The following SLC27A1 variants were observed in gnomAD, a reference collection of about 807,000 sequenced individuals.
The protein encoded by SLC27A1 is solute carrier family 27 member 1.
SLC27A1 carries 61 observed loss-of-function variants against 62.2 expected under a neutral mutation model. The ratio of observed to expected loss-of-function variants is 0.98; its 90% CI spans 0.80 to 1.21. The LOEUF is 1.21. SLC27A1 is among the 50% of genes most tolerant of loss of function. The pLI is 0.00. For synonymous variants in SLC27A1, 435 were observed against 408.6 expected (o/e 1.06, Z -0.78); for missense variants, 903 against 932.1 (o/e 0.97, Z 0.41).
chr19:17,470,603 G>A lies in SLC27A1; in HGVS notation c.63G>A (p.Gly21=). 6.4e-7 allele frequency: 1 copy of A among 1,569,314 alleles called. No homozygotes were observed. Among genetic ancestry groups the A allele is most frequent in the Non-Finnish European group, 8.6e-7 (1 of 1,165,766 alleles). The change falls in exon 1 of 12, where the codon GGG becomes GGA. Residue 21 remains glycine, a synonymous_variant. Coordinates refer to ENST00000252595, the MANE Select transcript of SLC27A1 (RefSeq NM_198580.3). ...VVSLALLWLL[G]LPWTWSAAAA... is the part of the protein sequence containing the mutation. ...CGCTGGCGCTGTTGTGGCTGCTGGG[G>A]CTGCCGTGGACCTGGAGCGCGGCAG... is the stretch of plus-strand genomic sequence containing the variant.
At chr19:17,475,325 G>A (rs1417561059) in intron 1 of SLC27A1, among the ~76,000 whole-genome samples, 2 of 152,174 alleles carry the variant, frequency 1.3e-5, no homozygotes, top group African/African-American at 4.8e-5. Context: ...AGGATTGCCT[G>A]AGGCCAGGAG....
chr19:17,480,533 A>ATTTT (rs781084877), intron 1 of SLC27A1, among the ~76,000 whole-genome samples: 14 of 67,610 alleles, frequency 2.1e-4, no homozygotes, highest in South Asian at 1.3e-3. Flanking sequence ...TGGCCAGTTA[A>ATTTT]TTTTTTTCTT....
At chr19:17,477,239 G>GCTTTT (rs1568410565) in intron 1 of SLC27A1, among the ~76,000 whole-genome samples, 1 of 49,056 alleles carries the variant, frequency 2.0e-5, no homozygotes, top group African/African-American at 8.1e-5. Flanking sequence ...GATGAGCAGC[G>GCTTTT]CTTTTTTTTT....
chr19:17,480,569 G>GTTTTTTTTTTTTT, intron 1 of SLC27A1, among the ~76,000 whole-genome samples: 1 of 113,996 alleles, frequency 8.8e-6, no homozygotes. Context: ...GCAGAGATGA[G>GTTTTTTTTTTTTT]GTCTCAGTTT....
intron 1 of SLC27A1, among the ~76,000 whole-genome samples, chr19:17,482,982 G>T (rs1385497971): frequency 1.3e-5 from 2 of 151,296 alleles, no homozygotes; most frequent in African/African-American, 2.5e-5. Context: ...TGGAGGGAAT[G>T]AATGAATGAG....
chr19:17,504,080 G>C (rs1408988888), intron 11 of SLC27A1, among the ~76,000 whole-genome samples: 1 of 151,966 alleles, frequency 6.6e-6, no homozygotes, highest in African/African-American at 2.4e-5. Flanking sequence ...CCATTATTGT[G>C]CCCGGCCCCA....
In SLC27A1 at chr19:17,470,797, G is replaced by C. The variant is rs1427822894; in HGVS notation, c.167+90G>C. 6 of 1,273,234 alleles carry C rather than the reference G, an allele frequency of 4.7e-6. No individual in the cohort carries two copies. In the African/African-American group the frequency reaches 9.6e-5, roughly 20 times the overall value. 78.9% of individuals were successfully genotyped at this position (1,273,234 alleles called of 1,614,324 possible). The stretch of plus-strand genomic sequence containing the variant: ...CAGGGCTGGGTTGCGGGGACGGCTT[G>C]GAGGGTCCGGAGAGCTGAGGGTGCT... On this transcript the variant is annotated intron_variant, in intron 1 of 11. Coordinates refer to ENST00000252595, the MANE Select transcript of SLC27A1 (RefSeq NM_198580.3).
At chr19:17,500,182 T>A in intron 7 of SLC27A1, 96 bp from the exon 8 acceptor site, 1 of 1,527,238 alleles carries the variant, frequency 6.5e-7, no homozygotes, top group Non-Finnish European at 8.8e-7. Flanking sequence ...ACACTGGAGG[T>A]GCTAGGTCCA....
rs1227329932 is a variant in SLC27A1, at chr19:17,488,921, C to A, written c.868C>A (p.Pro290Thr). 6.2e-7 allele frequency: 1 copy of A among 1,614,032 alleles called. No homozygotes were observed. Among genetic ancestry groups the A allele is most frequent in the African/African-American group, 1.3e-5 (1 of 74,926 alleles). The change falls in exon 5 of 12, where the codon CCC becomes ACC. Residue 290 changes from proline (P) to threonine (T), a missense_variant. Pro to Thr is a conservative substitution (Grantham distance 38). Coordinates refer to ENST00000252595, the MANE Select transcript of SLC27A1 (RefSeq NM_198580.3). ...QAADVLYDCL[P>T]LYHSAGNIIG... Reference sequence around the variant, plus strand: ...GGCTGACGTGCTCTATGACTGCCTGCCCCTGTACCACTCGGCAGGTACTAC... The same window carrying A: ...GGCTGACGTGCTCTATGACTGCCTGACCCTGTACCACTCGGCAGGTACTAC...
chr19:17,471,499 C>G (rs1027336068), intron 1 of SLC27A1, among the ~76,000 whole-genome samples: 1 of 151,932 alleles, frequency 6.6e-6, no homozygotes, highest in African/African-American at 2.4e-5. Context: ...CTCTGAGGGA[C>G]TTGCTCAAAC....
intron 6 of SLC27A1, 147 bp downstream of exon 6, chr19:17,489,264 C>T (rs2075271600): frequency 3.0e-6 from 2 of 658,132 alleles, no homozygotes; most frequent in South Asian, 3.8e-5. Context: ...CCTCTCCCAG[C>T]CAGGCCCCGC....
At chr19:17,472,306 A>C (rs563756222) in intron 1 of SLC27A1, among the ~76,000 whole-genome samples, 2 of 151,454 alleles carry the variant, frequency 1.3e-5, no homozygotes, top group Non-Finnish European at 2.9e-5. Flanking sequence ...GAGGCAGGAG[A>C]ATGGTGTGAA....
rs1172708208 is a variant in SLC27A1, at chr19:17,505,929, C to T, written c.*1317C>T. Reference sequence around the variant, plus strand: ...TTGGTGGCGATGTCCCAGACAATCCCACCAGGACGGCCCAGACATCCCTAC... The same window carrying T: ...TTGGTGGCGATGTCCCAGACAATCCTACCAGGACGGCCCAGACATCCCTAC... On this transcript the variant is annotated 3_prime_UTR_variant, in exon 12 of 12. Coordinates refer to ENST00000252595, the MANE Select transcript of SLC27A1 (RefSeq NM_198580.3). 6.6e-6 allele frequency: 1 copy of T among 152,232 alleles called. No individual in the cohort carries two copies. Among genetic ancestry groups the T allele is most frequent in the Non-Finnish European group, 1.5e-5 (1 of 68,078 alleles). 9.4% of individuals were successfully genotyped at this position (152,232 alleles called of 1,614,324 possible). A position where few individuals can be genotyped will look rare whatever the true frequency, so the allele number is the denominator to read the frequency against.
intron 1 of SLC27A1, among the ~76,000 whole-genome samples, chr19:17,477,240 C>CTTTTTTTTTTT (rs1221324202): frequency 0.029 from 1,273 of 43,810 alleles, 329 homozygotes; most frequent in Non-Finnish European, 0.039. Flanking sequence ...ATGAGCAGCG[C>CTTTTTTTTTTT]TTTTTTTTTT....
chr19:17,487,705 G>A (rs1049030910), intron 4 of SLC27A1, among the ~76,000 whole-genome samples, 176 bp downstream of exon 4: 1 of 152,066 alleles, frequency 6.6e-6, no homozygotes, highest in East Asian at 1.9e-4. Context: ...AGCCCTCCAC[G>A]TGTAAACTCA....
chr19:17,498,902 CAG>C (rs1444965346), intron 7 of SLC27A1: 1 of 153,072 alleles, frequency 6.5e-6, no homozygotes, highest in Non-Finnish European at 1.5e-5. Context: ...TTCTGCATAT[CAG>C]AGACTTTTAG....
Position 17,488,896 on chromosome 19 carries a change from G to GCCTACCTAC in SLC27A1, c.843_844insCCTACCTAC (p.Ala281_Ala282insProThrTyr). 6.2e-7 allele frequency: 1 copy of GCCTACCTAC among 1,614,116 alleles called. No individual in the cohort carries two copies. ...GCCACCACGCCTACCGCATGCAGGC[G>GCCTACCTAC]GCTGACGTGCTCTATGACTGCCTGC... On this transcript the variant is annotated inframe_insertion, in exon 5 of 12. Transcript: ENST00000252595.
chr19:17,474,968 G>A (rs1340644126), intron 1 of SLC27A1, among the ~76,000 whole-genome samples: 1 of 151,466 alleles, frequency 6.6e-6, no homozygotes, highest in African/African-American at 2.4e-5. Context: ...CACCCGGGCT[G>A]GAGTGCAGTG....
At chr19:17,489,189 C>T (rs1278912148) in intron 6 of SLC27A1, 72 bp downstream of exon 6, 5 of 1,298,422 alleles carry the variant, frequency 3.9e-6, no homozygotes, top group African/African-American at 2.9e-5. Context: ...AATCAGGCCC[C>T]ACCTCCTCCC....
Sources: allele counts gnomAD v4.1 joint callset (sites outside exome capture counted in the v4.1 genomes callset), GRCh38; gene constraint gnomAD v4.1.1; transcripts MANE v1.5; gene names NCBI Gene and HGNC (gene_info 2026-07-23, HGNC 2026-07-21).